The following SLC4A10 variants were observed in gnomAD, a reference collection of about 807,000 sequenced individuals.
The protein encoded by SLC4A10 is solute carrier family 4 member 10.
A neutral mutation model predicts 137.7 loss-of-function variants in SLC4A10; 42 were observed. That is an observed-to-expected ratio of 0.30 (90% CI 0.24 to 0.39). SLC4A10 has a LOEUF of 0.39. Ranked by LOEUF, SLC4A10 falls within the 10% of genes least tolerant of loss-of-function variation. The probability of loss-of-function intolerance (pLI) is 1.00; values close to 1 mark genes in which losing one functional copy is unlikely to be tolerated. For synonymous variants in SLC4A10, 474 were observed against 464.1 expected (o/e 1.02, Z -0.27); for missense variants, 925 against 1,355.0 (o/e 0.68, Z 4.98).
chr2:161,971,494 C>T (rs958520127), intron 23 of SLC4A10, among the ~76,000 whole-genome samples: 2 of 152,158 alleles, frequency 1.3e-5, no homozygotes. Flanking sequence ...TTAATGGGTC[C>T]TATGTAAATT....
chr2:161,719,119 GT>G (rs1476941496), intron 1 of SLC4A10, among the ~76,000 whole-genome samples: 1 of 151,120 alleles, frequency 6.6e-6, no homozygotes, highest in East Asian at 2.0e-4. Context: ...TGTTCTCATT[GT>G]TCAGTTCCCA....
intron 7 of SLC4A10, 149 bp from the exon 8 acceptor site, chr2:161,873,767 G>A (rs1438646552): frequency 8.8e-6 from 6 of 681,522 alleles, no homozygotes; most frequent in Admixed American, 2.8e-5. Flanking sequence ...AAGATTAATA[G>A]TGATCAGCTC....
At chr2:161,715,425 C>T (rs1002286774) in intron 1 of SLC4A10, among the ~76,000 whole-genome samples, 18 of 152,024 alleles carry the variant, frequency 1.2e-4, no homozygotes, top group Admixed American at 1.2e-3. Flanking sequence ...AGGTGGTTTG[C>T]TGCACCTATC....
chr2:161,807,326 G>A (rs1023246870), intron 3 of SLC4A10, among the ~76,000 whole-genome samples: 36 of 152,216 alleles, frequency 2.4e-4, no homozygotes, highest in African/African-American at 6.7e-4. Context: ...AAGTGTTTTC[G>A]TAGTTGTTAA....
chr2:161,789,374 C>T (rs1419437887), intron 2 of SLC4A10, among the ~76,000 whole-genome samples: 3 of 152,156 alleles, frequency 2.0e-5, no homozygotes, highest in Admixed American at 6.5e-5. Flanking sequence ...TTGCTGCTTT[C>T]CTTGTCTGCA....
chr2:161,715,850 TATACCCAGTA>T (rs1052897413), intron 1 of SLC4A10, among the ~76,000 whole-genome samples: 2 of 152,044 alleles, frequency 1.3e-5, no homozygotes, highest in African/African-American at 4.8e-5. Flanking sequence ...CCTTTGAGTG[TATACCCAGTA>T]ATAGGGTCAA....
intron 6 of SLC4A10, among the ~76,000 whole-genome samples, chr2:161,870,275 A>G (rs1347456219): frequency 2.6e-5 from 4 of 151,638 alleles, no homozygotes; most frequent in Non-Finnish European, 5.9e-5. Context: ...ACAAATGAAA[A>G]CATAAGGTAT....
intron 1 of SLC4A10, among the ~76,000 whole-genome samples, chr2:161,658,596 C>T (rs1208086470): frequency 1.0e-4 from 13 of 128,398 alleles, no homozygotes; most frequent in Admixed American, 1.7e-4. Context: ...AAATAGTTTC[C>T]TTTTTTTTTT....
intron 15 of SLC4A10, among the ~76,000 whole-genome samples, chr2:161,930,958 G>A (rs564039355): frequency 5.5e-5 from 7 of 127,998 alleles, no homozygotes; most frequent in African/African-American, 1.4e-4. Context: ...TTTAAGACGC[G>A]TCTCGCTCTG....
chr2:161,863,436 T>C (rs1235228932), intron 6 of SLC4A10, among the ~76,000 whole-genome samples: 2 of 152,236 alleles, frequency 1.3e-5, no homozygotes, highest in Non-Finnish European at 2.9e-5. Flanking sequence ...GATGGTCTTT[T>C]AGTTTAAAGG....
chr2:161,696,119 G>A (rs186464007), intron 1 of SLC4A10, among the ~76,000 whole-genome samples: 213 of 149,270 alleles, frequency 1.4e-3, no homozygotes, highest in African/African-American at 4.7e-3. Flanking sequence ...GTGTCCAAGT[G>A]TTCTCATTGT....
chr2:161,877,261 G>A (rs1262373934), intron 8 of SLC4A10, among the ~76,000 whole-genome samples: 1 of 151,664 alleles, frequency 6.6e-6, no homozygotes, highest in Non-Finnish European at 1.5e-5. Flanking sequence ...TTAAATTTCA[G>A]GTATTATCAA....
chr2:161,630,546 G>C (rs927823182), intron 1 of SLC4A10, among the ~76,000 whole-genome samples: 6 of 151,682 alleles, frequency 4.0e-5, no homozygotes, highest in Admixed American at 2.0e-4. Context: ...GACATAAAGA[G>C]ATATATTTAA....
intron 1 of SLC4A10, among the ~76,000 whole-genome samples, chr2:161,691,479 T>C (rs570706650): frequency 1.3e-5 from 2 of 152,276 alleles, no homozygotes; most frequent in Non-Finnish European, 2.9e-5. Flanking sequence ...CTGGGTTGTT[T>C]GTAACACATA....
At chr2:161,763,666 T>C (rs1293241965) in intron 1 of SLC4A10, among the ~76,000 whole-genome samples, 1 of 152,110 alleles carries the variant, frequency 6.6e-6, no homozygotes, top group Non-Finnish European at 1.5e-5. Context: ...TACTATGGCC[T>C]AACAGGGGCT....
chr2:161,666,111 T>TA (rs1394259005), intron 1 of SLC4A10, among the ~76,000 whole-genome samples: 2 of 151,154 alleles, frequency 1.3e-5, no homozygotes, highest in South Asian at 2.1e-4. Flanking sequence ...CCCAAAATAA[T>TA]AAAAAAAGGA....
intron 1 of SLC4A10, among the ~76,000 whole-genome samples, chr2:161,714,265 A>C (rs921212498): frequency 2.0e-5 from 3 of 151,896 alleles, no homozygotes; most frequent in African/African-American, 7.2e-5. Flanking sequence ...GAACCCAACA[A>C]ATTTTCAGTG....
Position 161,839,819 on chromosome 2 carries a change from T to C in SLC4A10, c.308T>C (p.Leu103Pro), listed in dbSNP as rs2059069220. Residue 103 changes from leucine (L) to proline (P), a missense_variant, in exon 4 of 27, where the codon CTT (leucine) becomes CCT (proline). By Grantham distance (98) the Leu-to-Pro change is moderately conservative. Transcript: ENST00000446997. ...CCATCACAGAGGGTACAGTTTATTC[T>C]TGGAACCGAGGATGATGACGAGGAA... Reference protein sequence around the residue: ...DTPSQRVQFILGTEDDDEEHI... With the variant: ...DTPSQRVQFIPGTEDDDEEHI... 6.2e-7 allele frequency: 1 copy of C among 1,613,856 alleles called. No individual in the cohort carries two copies. Among genetic ancestry groups the C allele is most frequent in the Non-Finnish European group, 8.5e-7 (1 of 1,179,830 alleles).
intron 15 of SLC4A10, among the ~76,000 whole-genome samples, chr2:161,938,958 T>A (rs1692136575): frequency 6.6e-6 from 1 of 152,184 alleles, no homozygotes; most frequent in Non-Finnish European, 1.5e-5. Flanking sequence ...TTTTTAAAAT[T>A]ATTTTTAGTG....
Sources: allele counts gnomAD v4.1 joint callset (sites outside exome capture counted in the v4.1 genomes callset), GRCh38; gene constraint gnomAD v4.1.1; transcripts MANE v1.5; gene names NCBI Gene and HGNC (gene_info 2026-07-23, HGNC 2026-07-21).